The following VSNL1 variants were observed in gnomAD, a reference collection of about 807,000 sequenced individuals.
The protein encoded by VSNL1 is visinin-like protein 1.
A neutral mutation model predicts 20.4 loss-of-function variants in VSNL1; 6 were observed. The observed-to-expected ratio is 0.29, with a 90% confidence interval of 0.16 to 0.58. The LOEUF (loss-of-function observed/expected upper bound fraction) is 0.58. VSNL1 is among the 20% of genes least tolerant of loss of function. VSNL1 has a pLI of 0.90. For missense variants in VSNL1, 100 were observed against 234.5 expected (o/e 0.43, Z 3.75); for synonymous variants, 93 against 86.4 (o/e 1.08, Z -0.42).
chr2:17,569,596 A>T (rs1432838074), intron 1 of VSNL1, among the ~76,000 whole-genome samples: 1 of 152,026 alleles, frequency 6.6e-6, no homozygotes, highest in African/African-American at 2.4e-5. Flanking sequence ...CATATTTTTC[A>T]TCCGTTACCT....
At chr2:17,638,154 G>A (rs1665797102) in intron 2 of VSNL1, among the ~76,000 whole-genome samples, 1 of 152,124 alleles carries the variant, frequency 6.6e-6, no homozygotes, top group Non-Finnish European at 1.5e-5. Context: ...ACAGCCCCAA[G>A]GCCAAATTGC....
At chr2:17,610,079 A>T (rs761299861) in intron 2 of VSNL1, among the ~76,000 whole-genome samples, 2 of 152,250 alleles carry the variant, frequency 1.3e-5, no homozygotes, top group Non-Finnish European at 2.9e-5. Flanking sequence ...GGCATCAGGC[A>T]GTGCCACATA....
At chr2:17,557,239 G>C (rs920043293) in intron 1 of VSNL1, among the ~76,000 whole-genome samples, 1 of 152,156 alleles carries the variant, frequency 6.6e-6, no homozygotes, top group Non-Finnish European at 1.5e-5. Flanking sequence ...ATCCAAATTG[G>C]ATCGATGCTC....
At chr2:17,542,650 T>C (rs994733505) in intron 1 of VSNL1, among the ~76,000 whole-genome samples, 3 of 152,232 alleles carry the variant, frequency 2.0e-5, no homozygotes, top group Admixed American at 1.3e-4. Flanking sequence ...GAAGGACTAA[T>C]CATTTGTCAT....
chr2:17,628,076 C>T (rs1476231371), intron 2 of VSNL1, among the ~76,000 whole-genome samples: 1 of 152,208 alleles, frequency 6.6e-6, no homozygotes, highest in East Asian at 1.9e-4. Context: ...GACACAGACA[C>T]ATGGCCAGAA....
At chr2:17,587,388 CA>C (rs1664500940) in intron 1 of VSNL1, among the ~76,000 whole-genome samples, 1 of 150,576 alleles carries the variant, frequency 6.6e-6, no homozygotes, top group Admixed American at 6.6e-5. Context: ...CACACACACA[CA>C]CACACATATA....
chr2:17,641,720 C>T (rs1404020667), intron 2 of VSNL1, among the ~76,000 whole-genome samples: 2 of 152,122 alleles, frequency 1.3e-5, no homozygotes, highest in Non-Finnish European at 2.9e-5. Context: ...GAGATAGATA[C>T]TTAAACTTAC....
intron 1 of VSNL1, among the ~76,000 whole-genome samples, chr2:17,569,325 AAAAT>A (rs1664028057): frequency 1.3e-5 from 2 of 151,488 alleles, no homozygotes; most frequent in African/African-American, 4.8e-5. Context: ...AATAAAAATA[AAAAT>A]AAATAAATTA....
intron 2 of VSNL1, among the ~76,000 whole-genome samples, chr2:17,648,976 C>T (rs1450736045): frequency 6.6e-6 from 1 of 152,208 alleles, no homozygotes; most frequent in African/African-American, 2.4e-5. Context: ...TGGGCACCCT[C>T]CCTCTGGCCC....
chr2:17,614,966 G>A (rs1275207241), intron 2 of VSNL1, among the ~76,000 whole-genome samples: 5 of 152,108 alleles, frequency 3.3e-5, no homozygotes, highest in Non-Finnish European at 5.9e-5. Flanking sequence ...GTTTCCCTCC[G>A]CTTCTTTCCA....
chr2:17,617,389 T>G (rs1013102503), intron 2 of VSNL1, among the ~76,000 whole-genome samples: 1 of 152,048 alleles, frequency 6.6e-6, no homozygotes, highest in Non-Finnish European at 1.5e-5. Context: ...CCAGCTACTT[T>G]GGAGGCTAAG....
At chr2:17,552,072 T>C (rs1019355154) in intron 1 of VSNL1, among the ~76,000 whole-genome samples, 3 of 151,062 alleles carry the variant, frequency 2.0e-5, no homozygotes, top group Non-Finnish European at 4.4e-5. Flanking sequence ...TGGTGGCGGG[T>C]GCCTGTAGTC....
At chr2:17,575,682 T>G (rs1664193871) in intron 1 of VSNL1, among the ~76,000 whole-genome samples, 1 of 151,986 alleles carries the variant, frequency 6.6e-6, no homozygotes, top group Non-Finnish European at 1.5e-5. Flanking sequence ...ATTAGAGGCA[T>G]GCGCCACCAT....
intron 1 of VSNL1, chr2:17,541,412 G>T (rs1392725475): frequency 2.0e-5 from 3 of 152,188 alleles, no homozygotes; most frequent in Non-Finnish European, 4.4e-5. Flanking sequence ...CTCTGAGCGG[G>T]ATGTTAGTGT....
intron 2 of VSNL1, among the ~76,000 whole-genome samples, chr2:17,629,702 G>A (rs374481291): frequency 2.6e-5 from 4 of 152,206 alleles, no homozygotes; most frequent in South Asian, 4.1e-4. Context: ...TCGTCCACTC[G>A]GCCTGCTGTG....
At chr2:17,637,310 C>T (rs978856259) in intron 2 of VSNL1, among the ~76,000 whole-genome samples, 1 of 152,224 alleles carries the variant, frequency 6.6e-6, no homozygotes, top group Non-Finnish European at 1.5e-5. Context: ...GCTGCTATGA[C>T]ATCTAATACA....
At chr2:17,583,043 T>A (rs1445212683) in intron 1 of VSNL1, among the ~76,000 whole-genome samples, 2 of 152,186 alleles carry the variant, frequency 1.3e-5, no homozygotes, top group African/African-American at 4.8e-5. Flanking sequence ...AAGTATCTTT[T>A]TAGAATTACT....
intron 1 of VSNL1, among the ~76,000 whole-genome samples, chr2:17,548,037 A>C (rs1663440765): frequency 1.3e-5 from 2 of 151,660 alleles, no homozygotes; most frequent in African/African-American, 4.8e-5. Flanking sequence ...CACCTCCTCT[A>C]TTTTTCCAAC....
At position 17,581,680 on chromosome 2, in the gene VSNL1, C is replaced by T. The variant is rs920736668; in HGVS notation, c.-5-10390C>T. Among the ~76,000 whole-genome samples the T allele has an allele frequency of 2.6e-5, 4 of 152,156 alleles. No homozygotes were observed. In the South Asian group the frequency reaches 6.2e-4, roughly 24 times the overall value. On this transcript the variant is annotated intron_variant, in intron 1 of 3. Transcript: ENST00000295156. ...TTGTTGCTGGTTTCCTAGAAAGAAG[C>T]GTGTTCTCTCTCTCTTCCTCATGAC...
Sources: gnomAD v4.1 joint callset for allele counts (sites outside exome capture counted in the v4.1 genomes callset) on GRCh38, gnomAD v4.1.1 for gene constraint, MANE v1.5 for transcripts, NCBI Gene and HGNC (gene_info 2026-07-23, HGNC 2026-07-21) for gene names.